Variants in STXBP5L observed in about 807,000 individuals in gnomAD.
STXBP5L encodes syntaxin binding protein 5L, also known as syntaxin-binding protein 5-like.
In STXBP5L, 65 loss-of-function variants were observed where a neutral mutation model predicts 144.5. The ratio of observed to expected loss-of-function variants is 0.45; its 90% CI spans 0.37 to 0.55. The LOEUF is 0.55. Among genes scored for constraint, STXBP5L ranks in the 20% least tolerant of loss-of-function variants. The pLI is 0.00. For missense variants in STXBP5L, 1,298 were observed against 1,405.5 expected, an observed-to-expected ratio of 0.92 and a Z score of 1.22; for synonymous variants, 505 against 469.6, an observed-to-expected ratio of 1.08 and a Z score of -0.97.
intron 18 of STXBP5L, among the ~76,000 whole-genome samples, chr3:121,259,486 T>C (rs1319400472): frequency 6.6e-6 from 1 of 152,062 alleles, no homozygotes; most frequent in Non-Finnish European, 1.5e-5. Context: ...TTTTGACTTA[T>C]CCTTTAGAGT....
At chr3:121,171,410 T>A (rs2046712321) in intron 9 of STXBP5L, among the ~76,000 whole-genome samples, 2 of 152,132 alleles carry the variant, frequency 1.3e-5, no homozygotes, top group Admixed American at 6.5e-5. Context: ...AGAGAGGAAG[T>A]CATATTGTCT....
At chr3:121,034,930 T>C (rs1385386680) in intron 3 of STXBP5L, among the ~76,000 whole-genome samples, 4 of 152,174 alleles carry the variant, frequency 2.6e-5, no homozygotes, top group Non-Finnish European at 2.9e-5. Context: ...TAAGATGATA[T>C]CTCATTGTGG....
rs1309240836 is a variant in STXBP5L, at chr3:121,301,743, T to G, written c.2111-16732T>G. ...CCATCAATACCTAATTTATTGAGAG[T>G]TTTTAGCATGAAGCGTTGTTGAATT... On this transcript the variant is annotated intron_variant, in intron 19 of 26. Coordinates refer to ENST00000471454, the MANE Select transcript of STXBP5L (RefSeq NM_001308330.2). Among the ~76,000 whole-genome samples the G allele has an allele frequency of 7.4e-4, 112 of 152,128 alleles. 1 individual carries two copies. Among genetic ancestry groups the G allele is most frequent in the Non-Finnish European group, 3.7e-4 (25 of 68,008 alleles).
chr3:121,117,444 T>G (rs892877552), intron 6 of STXBP5L, among the ~76,000 whole-genome samples: 2 of 151,862 alleles, frequency 1.3e-5, no homozygotes, highest in Admixed American at 6.6e-5. Context: ...GATAACATTT[T>G]AAATGCCAAT....
At chr3:120,925,235 G>A (rs470699) in intron 2 of STXBP5L, 57,005 of 152,016 alleles carry the variant, frequency 0.37, 10,903 homozygotes, top group Non-Finnish European at 0.4. Flanking sequence ...AGGAAGGGAT[G>A]AGGAGCAGCC....
intron 22 of STXBP5L, among the ~76,000 whole-genome samples, chr3:121,396,971 T>C (rs752031302): frequency 2.6e-5 from 4 of 152,226 alleles, no homozygotes; most frequent in Non-Finnish European, 4.4e-5. Flanking sequence ...GAATCAGAAA[T>C]CACATTAATA....
At chr3:121,168,057 C>T (rs2046566792) in intron 9 of STXBP5L, among the ~76,000 whole-genome samples, 1 of 152,106 alleles carries the variant, frequency 6.6e-6, no homozygotes, top group South Asian at 2.1e-4. Flanking sequence ...GAGTGGACCT[C>T]CAGCAAACTC....
intron 2 of STXBP5L, among the ~76,000 whole-genome samples, chr3:120,940,607 G>T (rs932916032): frequency 6.7e-6 from 1 of 149,580 alleles, no homozygotes; most frequent in East Asian, 1.9e-4. Context: ...GTAAAATCAC[G>T]TAAGAAGATG....
intron 5 of STXBP5L, among the ~76,000 whole-genome samples, chr3:121,108,352 T>C (rs1044803904): frequency 1.3e-5 from 2 of 152,186 alleles, no homozygotes; most frequent in Admixed American, 6.5e-5. Context: ...TGTGGGTTTG[T>C]TCTAAATGGC....
At chr3:121,345,446 G>A (rs929681923) in intron 20 of STXBP5L, among the ~76,000 whole-genome samples, 1 of 152,052 alleles carries the variant, frequency 6.6e-6, no homozygotes, top group Non-Finnish European at 1.5e-5. Context: ...ATTTGCTATT[G>A]TGAATAGTGC....
rs540666766 is a variant in STXBP5L at position 121,358,532 on chromosome 3, C to T, written c.2177-20184C>T. Among the ~76,000 whole-genome samples the T allele has an allele frequency of 2.0e-4, 31 of 152,234 alleles. 1 individual carries two copies. In the South Asian group the frequency reaches 6.4e-3, roughly 32 times the overall value. On this transcript the variant is annotated intron_variant, in intron 20 of 26. Coordinates refer to ENST00000471454, the MANE Select transcript of STXBP5L (RefSeq NM_001308330.2). ...CAACCAGATCTTGTGAGAACTCTAT[C>T]ATGAGGCAGCACTAGGGGGATTGTG... is the stretch of plus-strand genomic sequence containing the variant.
chr3:121,419,527 C>T lies in STXBP5L; in HGVS notation c.*430C>T, dbSNP rs2047314998. The T allele has an allele frequency of 6.5e-6, 1 of 153,046 alleles. No homozygotes were observed. The highest frequency in any genetic ancestry group is 2.4e-5 in the African/African-American group (1 of 41,480). 9.5% of individuals were successfully genotyped at this position (153,046 alleles called of 1,614,324 possible). A position where few individuals can be genotyped will look rare whatever the true frequency, so the allele number is the denominator to read the frequency against. Reference sequence around the variant, plus strand: ...AGAAGAAAAAAAGATTCATGGTAAACTATTTCTATCAATTGGGCCACACTC... The same window carrying T: ...AGAAGAAAAAAAGATTCATGGTAAATTATTTCTATCAATTGGGCCACACTC... On this transcript the variant is annotated 3_prime_UTR_variant, in exon 27 of 27. Transcript: ENST00000471454.
At chr3:120,961,943 C>G (rs888539060) in intron 3 of STXBP5L, among the ~76,000 whole-genome samples, 3 of 152,186 alleles carry the variant, frequency 2.0e-5, no homozygotes, top group African/African-American at 7.2e-5. Flanking sequence ...CTGTTGTTTC[C>G]TGACTTTTTA....
chr3:121,292,508 C>A (rs2051479752), intron 19 of STXBP5L, among the ~76,000 whole-genome samples: 1 of 152,148 alleles, frequency 6.6e-6, no homozygotes, highest in Admixed American at 6.5e-5. Context: ...AAAAGTAGAT[C>A]TACCATTCGA....
intron 20 of STXBP5L, among the ~76,000 whole-genome samples, chr3:121,330,519 A>G (rs1313479592): frequency 6.6e-6 from 1 of 152,118 alleles, no homozygotes; most frequent in Non-Finnish European, 1.5e-5. Flanking sequence ...AACTTTTGGG[A>G]GTTCTATGAC....
chr3:120,987,009 A>T (rs1332736727), intron 3 of STXBP5L, among the ~76,000 whole-genome samples: 2 of 151,974 alleles, frequency 1.3e-5, no homozygotes, highest in Non-Finnish European at 2.9e-5. Context: ...AGAAAGTTAT[A>T]GAGAGAATAT....
At chr3:121,191,721 G>T (rs1470387113) in intron 9 of STXBP5L, among the ~76,000 whole-genome samples, 2 of 152,132 alleles carry the variant, frequency 1.3e-5, no homozygotes, top group Non-Finnish European at 2.9e-5. Context: ...GTGATAGACT[G>T]GATTAAGAAA....
At chr3:121,134,797 G>C (rs1271620439) in intron 7 of STXBP5L, among the ~76,000 whole-genome samples, 1 of 152,130 alleles carries the variant, frequency 6.6e-6, no homozygotes. Context: ...TCTTAATCCA[G>C]TCTATCATTG....
At position 121,223,144 on chromosome 3, in the gene STXBP5L, G is replaced by A. The variant is rs760223767; in HGVS notation, c.1098G>A (p.Thr366=). 1.3e-5 allele frequency: 20 copies of A among 1,594,952 alleles called. No homozygotes were observed. The highest frequency in any genetic ancestry group is 1.7e-5 in the Non-Finnish European group (20 of 1,174,698). Residue 366 remains threonine, a synonymous_variant, in exon 11 of 27, where the codon ACG becomes ACA. Transcript: ENST00000471454. The part of the protein sequence containing the change: ...PIVEFLTLCE[T]PYPNEFQEPY... ...TTGAATTTCTAACTTTATGTGAAAC[G>A]CCCTATCCAAATGGTAAGTAACTAA...
Sources: allele counts gnomAD v4.1 joint callset (sites outside exome capture counted in the v4.1 genomes callset), GRCh38; gene constraint gnomAD v4.1.1; transcripts MANE v1.5; gene names NCBI Gene and HGNC (gene_info 2026-07-23, HGNC 2026-07-21).